NRXN3: variants seen among roughly 807,000 people sequenced by gnomAD.
NRXN3 encodes neurexin 3, also known as neurexin III.
In NRXN3, 32 loss-of-function variants were observed where a neutral mutation model predicts 137.6. The observed-to-expected ratio is 0.23, with a 90% CI of 0.18 to 0.31. The LOEUF (loss-of-function observed/expected upper bound fraction) is 0.31. Ranked by LOEUF, NRXN3 falls within the 10% of genes least tolerant of loss-of-function variation. NRXN3 has a pLI of 1.00. For synonymous variants in NRXN3, 798 were observed against 784.5 expected (o/e 1.02, Z -0.29); for missense variants, 1,574 against 2,062.5 (o/e 0.76, Z 4.59).
chr14:79,657,218 G>C (rs2098510771), intron 16 of NRXN3, among the ~76,000 whole-genome samples: 1 of 152,132 alleles, frequency 6.6e-6, no homozygotes, highest in East Asian at 1.9e-4. Context: ...ATGGATAGTT[G>C]AGGGACCTGC....
chr14:79,466,909 T>C (rs2096434030), intron 15 of NRXN3, among the ~76,000 whole-genome samples: 1 of 152,212 alleles, frequency 6.6e-6, no homozygotes. Flanking sequence ...GAAAGTTGTT[T>C]ATTGCAATGT....
At chr14:79,203,377 G>A (rs889978189) in intron 15 of NRXN3, among the ~76,000 whole-genome samples, 9 of 152,132 alleles carry the variant, frequency 5.9e-5, no homozygotes, top group Non-Finnish European at 1.2e-4. Flanking sequence ...TCCAGGTTTT[G>A]TGGCATCAAT....
chr14:79,687,204 A>T (rs2098698871), intron 17 of NRXN3, among the ~76,000 whole-genome samples: 1 of 152,200 alleles, frequency 6.6e-6, no homozygotes, highest in East Asian at 1.9e-4. Flanking sequence ...AATACAAGAT[A>T]TTAGTTTTTT....
chr14:78,751,903 G>A (rs190872382), intron 8 of NRXN3, among the ~76,000 whole-genome samples: 365 of 152,218 alleles, frequency 2.4e-3, no homozygotes, highest in Non-Finnish European at 2.8e-3. Flanking sequence ...TCATGTACAC[G>A]GCAAAGCATG....
chr14:78,254,974 A>G (rs1241290087), intron 2 of NRXN3, among the ~76,000 whole-genome samples: 1 of 146,440 alleles, frequency 6.8e-6, no homozygotes, highest in African/African-American at 2.5e-5. Context: ...TGCTCTGGGT[A>G]TCTCATGTTT....
chr14:78,484,758 A>G (rs1286944125), intron 4 of NRXN3, among the ~76,000 whole-genome samples: 7 of 152,216 alleles, frequency 4.6e-5, no homozygotes, highest in Admixed American at 4.6e-4. Flanking sequence ...CAGCTGCATT[A>G]GAGAAAGGCA....
At chr14:78,337,261 G>T (rs1342550919) in intron 4 of NRXN3, among the ~76,000 whole-genome samples, 1 of 152,124 alleles carries the variant, frequency 6.6e-6, no homozygotes, top group African/African-American at 2.4e-5. Flanking sequence ...TGTACAGAGG[G>T]AATTACATGA....
chr14:78,415,381 T>C (rs1242719819), intron 4 of NRXN3, among the ~76,000 whole-genome samples: 2 of 152,220 alleles, frequency 1.3e-5, no homozygotes, highest in African/African-American at 4.8e-5. Context: ...TCACAACATT[T>C]GGCAGCTTAA....
chr14:78,590,074 AG>A (rs1239681995), intron 4 of NRXN3, among the ~76,000 whole-genome samples: 4 of 152,262 alleles, frequency 2.6e-5, no homozygotes, highest in Non-Finnish European at 5.9e-5. Context: ...GTGAAGTCAC[AG>A]GATCAACAGT....
intron 4 of NRXN3, among the ~76,000 whole-genome samples, chr14:78,626,210 T>C (rs550481883): frequency 6.6e-6 from 1 of 152,318 alleles, no homozygotes; most frequent in African/African-American, 2.4e-5. Flanking sequence ...CACTTCCCTT[T>C]ACATAGCTTG....
At chr14:78,186,518 G>A (rs1011925641) in intron 1 of NRXN3, among the ~76,000 whole-genome samples, 8 of 152,220 alleles carry the variant, frequency 5.3e-5, no homozygotes, top group South Asian at 2.1e-4. Context: ...GAATCGCTGC[G>A]CTGGTTTCCA....
chr14:78,739,674 G>C (rs1177408372), intron 8 of NRXN3, among the ~76,000 whole-genome samples: 2 of 152,158 alleles, frequency 1.3e-5, no homozygotes, highest in East Asian at 3.9e-4. Flanking sequence ...GTTTCGCTAT[G>C]TTGGCCAGGC....
intron 19 of NRXN3, among the ~76,000 whole-genome samples, chr14:79,743,017 A>T (rs1262793069): frequency 6.6e-6 from 1 of 152,132 alleles, no homozygotes; most frequent in African/African-American, 2.4e-5. Flanking sequence ...TTGCCTCAAA[A>T]CTTTCAGGGT....
intron 8 of NRXN3, among the ~76,000 whole-genome samples, chr14:78,752,371 G>A (rs1480630733): frequency 6.6e-6 from 1 of 152,176 alleles, no homozygotes; most frequent in Non-Finnish European, 1.5e-5. Flanking sequence ...AGCTGAGATG[G>A]CACCACTGCC....
intron 4 of NRXN3, among the ~76,000 whole-genome samples, chr14:78,581,985 C>G (rs892387967): frequency 6.6e-6 from 1 of 152,172 alleles, no homozygotes; most frequent in African/African-American, 2.4e-5. Flanking sequence ...TCTTTGATGC[C>G]GTATCTATCC....
At chr14:78,658,073 T>G (rs1392624429) in intron 6 of NRXN3, among the ~76,000 whole-genome samples, 1 of 152,238 alleles carries the variant, frequency 6.6e-6, no homozygotes, top group African/African-American at 2.4e-5. Context: ...TGATAATGTC[T>G]CTGTCCATAA....
intron 4 of NRXN3, among the ~76,000 whole-genome samples, chr14:78,499,611 A>G (rs1465501868): frequency 2.0e-5 from 3 of 152,338 alleles, no homozygotes; most frequent in African/African-American, 7.2e-5. Context: ...ATCTGGGCAC[A>G]GCTTAGCTGG....
chr14:78,258,792 C>T (rs1373390254), intron 2 of NRXN3, among the ~76,000 whole-genome samples: 4 of 152,220 alleles, frequency 2.6e-5, no homozygotes, highest in Admixed American at 2.0e-4. Context: ...AAAAACTATT[C>T]ATGTTGGTTT....
intron 17 of NRXN3, among the ~76,000 whole-genome samples, chr14:79,672,202 C>A (rs960213166): frequency 2.0e-5 from 3 of 151,918 alleles, no homozygotes; most frequent in Non-Finnish European, 2.9e-5. Flanking sequence ...TTTTAGTAGA[C>A]TATCTTGGGA....
Sources: gnomAD v4.1 joint callset for allele counts (sites outside exome capture counted in the v4.1 genomes callset) on GRCh38, gnomAD v4.1.1 for gene constraint, MANE v1.5 for transcripts, NCBI Gene and HGNC (gene_info 2026-07-23, HGNC 2026-07-21) for gene names.